The following SAMD4A variants were observed in gnomAD, a reference collection of about 807,000 sequenced individuals.
SAMD4A encodes sterile alpha motif domain containing 4A, also known as protein Smaug homolog 1.
A neutral mutation model predicts 81.3 loss-of-function variants in SAMD4A; 33 were observed. That is an observed-to-expected ratio of 0.41 (90% CI 0.31 to 0.54). The LOEUF is 0.54. Ranked by LOEUF, SAMD4A falls within the 20% of genes least tolerant of loss-of-function variation. The pLI is 0.37. For synonymous variants in SAMD4A, 389 were observed against 382.1 expected (o/e 1.02, Z -0.21); for missense variants, 854 against 951.1 (o/e 0.90, Z 1.34).
intron 2 of SAMD4A, among the ~76,000 whole-genome samples, chr14:54,621,142 A>C (rs981644190): frequency 6.6e-6 from 1 of 152,124 alleles, no homozygotes; most frequent in African/African-American, 2.4e-5. Flanking sequence ...CACGACCTTT[A>C]AGGCGAAGGT....
intron 2 of SAMD4A, among the ~76,000 whole-genome samples, chr14:54,642,682 G>C (rs939412205): frequency 1.3e-5 from 2 of 152,210 alleles, no homozygotes; most frequent in Non-Finnish European, 2.9e-5. Flanking sequence ...ATCCCGTTGA[G>C]TGGATGATCC....
chr14:54,773,464 A>ACTCTT (rs2038757506), intron 9 of SAMD4A, among the ~76,000 whole-genome samples: 1 of 151,830 alleles, frequency 6.6e-6, no homozygotes, highest in Non-Finnish European at 1.5e-5. Context: ...ACTACAGCTG[A>ACTCTT]CTCTTCTTGG....
chr14:54,699,764 C>T (rs2036665624), intron 2 of SAMD4A, among the ~76,000 whole-genome samples: 1 of 152,136 alleles, frequency 6.6e-6, no homozygotes, highest in African/African-American at 2.4e-5. Context: ...GGACAGTGCT[C>T]CTCAAGATCG....
At chr14:54,711,961 C>G (rs2037000310) in intron 3 of SAMD4A, among the ~76,000 whole-genome samples, 1 of 152,156 alleles carries the variant, frequency 6.6e-6, no homozygotes, top group Admixed American at 6.5e-5. Context: ...TTTTGCCCTT[C>G]ACCTTTTTTC....
Position 54,760,467 on chromosome 14 carries a change from G to C in SAMD4A, c.1483G>C (p.Gly495Arg). Residue 495 changes from glycine (G) to arginine (R), a missense_variant, in exon 7 of 13, where the codon GGG becomes CGG. Transcript: ENST00000554335. ...VAPLPEGDLP[G>R]QFTRVMGKVC... is the part of the protein sequence containing the mutation. ...CCCCCTGCCAGAGGGGGACCTCCCC[G>C]GGCAGTTCACACGCGTCATGGGGAA... 2.8e-6 allele frequency: 4 copies of C among 1,419,018 alleles called. No homozygotes were observed. Among genetic ancestry groups the C allele is most frequent in the Non-Finnish European group, 3.7e-6 (4 of 1,095,852 alleles). The allele number at this position is 1,419,018 out of a possible 1,614,324, so 87.9% of individuals were successfully genotyped here. A position where few individuals can be genotyped will look rare whatever the true frequency, so the allele number is the denominator to read the frequency against.
At chr14:54,760,619 T>C (rs1278370585) in intron 7 of SAMD4A, 125 bp downstream of exon 7, 1 of 1,333,364 alleles carries the variant, frequency 7.5e-7, no homozygotes, top group African/African-American at 1.5e-5. Context: ...TAGCTTCATC[T>C]TACAGATAGG....
chr14:54,686,754 C>T (rs529687099), intron 2 of SAMD4A, among the ~76,000 whole-genome samples: 2 of 152,242 alleles, frequency 1.3e-5, no homozygotes, highest in East Asian at 1.9e-4. Context: ...GAGTTGGTTA[C>T]GCGCTAAATT....
chr14:54,683,792 G>A (rs2036185810), intron 2 of SAMD4A, among the ~76,000 whole-genome samples: 1 of 152,152 alleles, frequency 6.6e-6, no homozygotes, highest in South Asian at 2.1e-4. Context: ...AAGAACAGGA[G>A]GCACGTCTCC....
intron 2 of SAMD4A, among the ~76,000 whole-genome samples, chr14:54,676,359 T>C (rs1477932060): frequency 6.6e-6 from 1 of 152,038 alleles, no homozygotes; most frequent in African/African-American, 2.4e-5. Flanking sequence ...TTTAGTACTT[T>C]CCTTTCTTTT....
intron 2 of SAMD4A, among the ~76,000 whole-genome samples, chr14:54,654,763 C>G (rs915459794): frequency 3.9e-5 from 6 of 152,226 alleles, no homozygotes; most frequent in African/African-American, 1.2e-4. Context: ...AGCAAAAATT[C>G]TATCACAGAA....
At chr14:54,640,051 T>C (rs1399971155) in intron 2 of SAMD4A, among the ~76,000 whole-genome samples, 3 of 152,146 alleles carry the variant, frequency 2.0e-5, no homozygotes, top group Non-Finnish European at 4.4e-5. Context: ...CTTGGGATTT[T>C]GTTTGCAGTG....
Position 54,760,225 on chromosome 14 carries a change from C to CG in SAMD4A, c.1242dup (p.Ile415AspfsTer100). 1 of 1,613,410 alleles carries CG rather than the reference C, an allele frequency of 6.2e-7. No individual in the cohort carries two copies. The highest frequency in any genetic ancestry group is 8.5e-7 in the Non-Finnish European group (1 of 1,179,916). ...GAACTGCACCAGATGATCCTGACTCCGATCAAGGCCTACAGCTCCCCGAGC... is the reference window on the plus strand; with the variant it reads ...GAACTGCACCAGATGATCCTGACTCCGGATCAAGGCCTACAGCTCCCCGAGC... On this transcript the variant is annotated frameshift_variant, in exon 7 of 13. Coordinates refer to ENST00000554335, the MANE Select transcript of SAMD4A (RefSeq NM_015589.6). LOFTEE classifies it high-confidence loss of function.
chr14:54,738,481 C>A (rs774904590), intron 4 of SAMD4A, among the ~76,000 whole-genome samples: 3 of 152,200 alleles, frequency 2.0e-5, no homozygotes, highest in Non-Finnish European at 2.9e-5. Flanking sequence ...GGTTCCAGGG[C>A]TGAGTGCCCA....
upstream of SAMD4A, among the ~76,000 whole-genome samples, chr14:54,565,751 G>T (rs1175488692): frequency 6.6e-6 from 1 of 152,010 alleles, no homozygotes; most frequent in South Asian, 2.1e-4. This position sits in a 1 kb window ranked among gnomAD's most constrained non-coding sequence, Gnocchi z 5.4. Flanking sequence ...TTTCTGCCGG[G>T]GCTCCAGTGG....
At chr14:54,666,883 C>A (rs975422246) in intron 2 of SAMD4A, among the ~76,000 whole-genome samples, 7 of 152,086 alleles carry the variant, frequency 4.6e-5, no homozygotes, top group Admixed American at 1.3e-4. Flanking sequence ...GCTTAAGACC[C>A]TGGAAGAAAG....
At chr14:54,616,665 C>T (rs1264863328) in intron 2 of SAMD4A, among the ~76,000 whole-genome samples, 1 of 152,092 alleles carries the variant, frequency 6.6e-6, no homozygotes, top group Non-Finnish European at 1.5e-5. Context: ...ATATGGAACC[C>T]AATAGTTGTG....
chr14:54,679,190 G>A (rs1395162486), intron 2 of SAMD4A, among the ~76,000 whole-genome samples: 1 of 152,142 alleles, frequency 6.6e-6, no homozygotes, highest in African/African-American at 2.4e-5. Flanking sequence ...GTTGTTTTGG[G>A]TGATTCTAAT....
At chr14:54,600,063 T>C (rs139773712) in intron 2 of SAMD4A, among the ~76,000 whole-genome samples, 4 of 152,314 alleles carry the variant, frequency 2.6e-5, no homozygotes, top group African/African-American at 9.6e-5. Flanking sequence ...CAGGCTGGAG[T>C]GAGTAATGAC....
intron 8 of SAMD4A, among the ~76,000 whole-genome samples, chr14:54,769,189 C>T (rs2038637649): frequency 6.6e-6 from 1 of 152,180 alleles, no homozygotes. Context: ...CATGCTCTAC[C>T]TGCAGCAGAA....
Sources: allele counts gnomAD v4.1 joint callset (sites outside exome capture counted in the v4.1 genomes callset), GRCh38; gene constraint gnomAD v4.1.1; non-coding constraint Gnocchi (gnomAD v3.1); transcripts MANE v1.5; gene names NCBI Gene and HGNC (gene_info 2026-07-23, HGNC 2026-07-21).